Variants in AGAP4 observed in about 807,000 individuals in gnomAD.
The protein encoded by AGAP4 is arf-GAP with GTPase, ANK repeat and PH domain-containing protein 4.
Under a neutral mutation model 60.7 loss-of-function variants are expected in AGAP4, and 13 were observed. The ratio of observed to expected loss-of-function variants is 0.21; its 90% CI spans 0.14 to 0.34. AGAP4 has a LOEUF of 0.34. Among genes scored for constraint, AGAP4 ranks in the 10% least tolerant of loss-of-function variants. The pLI is 1.00. For missense variants in AGAP4, 169 were observed against 884.0 expected (o/e 0.19, Z 10.26); for synonymous variants, 70 against 339.0 (o/e 0.21, Z 8.72).
chr10:45,829,911 A>C (rs1223226235), intron 6 of AGAP4, among the ~76,000 whole-genome samples: 1 of 149,574 alleles, frequency 6.7e-6, no homozygotes, highest in South Asian at 2.2e-4. Context: ...AATAAAACAT[A>C]AACCAATATA....
At chr10:45,834,904 G>C (rs2058793018) in intron 4 of AGAP4, among the ~76,000 whole-genome samples, 1 of 146,184 alleles carries the variant, frequency 6.8e-6, no homozygotes, top group Non-Finnish European at 1.5e-5. Flanking sequence ...CTCCTGAGTA[G>C]CTGGGACTAC....
chr10:45,853,917 G>C (rs2059111677), upstream of AGAP4: 1 of 1,184,016 alleles, frequency 8.4e-7, no homozygotes, highest in East Asian at 5.9e-5. Flanking sequence ...AGCAGTAGTT[G>C]TTATCACGTA....
rs1330291066 is a variant in AGAP4 at position 45,838,787 on chromosome 10, G to C, written c.396+2866C>G. Among the ~76,000 whole-genome samples, 158 of 151,844 alleles carry C rather than the reference G, an allele frequency of 1.0e-3. 1 individual carries two copies. The highest frequency in any genetic ancestry group is 3.7e-3 in the African/African-American group (153 of 41,420). On this transcript the variant is annotated intron_variant, in intron 4 of 7. Coordinates refer to ENST00000616763, the MANE Select transcript of AGAP4 (RefSeq NM_001276343.3). Reference sequence around the variant, plus strand: ...TATGAGGACTTGCGATGTTGACCAGGCTAAAAATGAACAAATCTTAATTAA... The same window carrying C: ...TATGAGGACTTGCGATGTTGACCAGCCTAAAAATGAACAAATCTTAATTAA...
chr10:45,838,699 T>A (rs2058866143), intron 4 of AGAP4, among the ~76,000 whole-genome samples: 1 of 151,428 alleles, frequency 6.6e-6, no homozygotes, highest in South Asian at 2.1e-4. Context: ...GCCTCCTGAG[T>A]AGGTAATACG....
upstream of AGAP4, among the ~76,000 whole-genome samples, chr10:45,849,473 G>GATGATGATT (rs1554900083): frequency 8.3e-4 from 120 of 145,028 alleles, 1 homozygote; most frequent in Middle Eastern, 3.7e-3. Flanking sequence ...TGATGATGAT[G>GATGATGATT]ATTATTATTA....
upstream of AGAP4, among the ~76,000 whole-genome samples, chr10:45,851,731 G>A (rs1351265719): frequency 6.6e-6 from 1 of 151,570 alleles, no homozygotes; most frequent in Admixed American, 6.6e-5. Context: ...GAGGTTAGAA[G>A]AGAAGGAAGA....
intron 4 of AGAP4, among the ~76,000 whole-genome samples, chr10:45,838,067 C>T (rs1351495084): frequency 1.3e-5 from 2 of 149,866 alleles, no homozygotes; most frequent in South Asian, 4.2e-4. Flanking sequence ...ATAAAGAAAC[C>T]GTGATATACA....
chr10:45,831,723 C>T (rs1364506145), intron 5 of AGAP4, among the ~76,000 whole-genome samples: 2 of 114,498 alleles, frequency 1.7e-5, no homozygotes, highest in African/African-American at 6.6e-5. Context: ...ACCTTTCGTC[C>T]CATGCGATTT....
At chr10:45,829,917 A>G (rs1437433216) in intron 6 of AGAP4, among the ~76,000 whole-genome samples, 1 of 149,336 alleles carries the variant, frequency 6.7e-6, no homozygotes, top group Non-Finnish European at 1.5e-5. Flanking sequence ...ACATAAACCA[A>G]TATATTCCAA....
Position 45,842,643 on chromosome 10 carries a change from A to T in AGAP4, c.362-956T>A, listed in dbSNP as rs2058938111. 2.0e-5 allele frequency among the ~76,000 whole-genome samples: 3 copies of T among 147,864 alleles called. No homozygotes were observed. The South Asian group carries it at 6.3e-4, about 31-fold the overall frequency. ...CCCTAAAAAGAGGCCAGAATAATAA[A>T]AGCCCCAAGAGGGACTTGGGCCATG... On this transcript the variant is annotated intron_variant, in intron 3 of 7. Transcript: ENST00000616763.
chr10:45,854,640 A>G (rs1241043114), upstream of AGAP4: 1 of 79,166 alleles, frequency 1.3e-5, no homozygotes, highest in African/African-American at 4.6e-5. Context: ...TCTCAAAAAA[A>G]AAAAAAAAAA....
intron 4 of AGAP4, among the ~76,000 whole-genome samples, chr10:45,834,674 CAAAAAAAAAAA>C (rs1174820110): frequency 2.0e-4 from 3 of 15,228 alleles, no homozygotes; most frequent in African/African-American, 1.9e-3. Context: ...GACTCCGCCT[CAAAAAAAAAAA>C]AAAAAAAAAA....
At chr10:45,837,759 A>G (rs1271379976) in intron 4 of AGAP4, among the ~76,000 whole-genome samples, 18 of 151,464 alleles carry the variant, frequency 1.2e-4, no homozygotes, top group Admixed American at 1.2e-3. Flanking sequence ...CTGAAACCAT[A>G]AAAGTTCTAG....
chr10:45,831,968 G>A (rs2058739104), intron 5 of AGAP4, among the ~76,000 whole-genome samples: 1 of 145,916 alleles, frequency 6.9e-6, no homozygotes, highest in Non-Finnish European at 1.5e-5. Flanking sequence ...GGAGTGCAAT[G>A]GTGTGATCTC....
chr10:45,847,608 A>T (rs1270463072), upstream of AGAP4: 1 of 1,418,748 alleles, frequency 7.0e-7, no homozygotes, highest in Non-Finnish European at 9.2e-7. Flanking sequence ...CAGCCGGCTT[A>T]TTTAATAGGT....
chr10:45,830,774 C>T lies in AGAP4; in HGVS notation c.533+620G>A, dbSNP rs4042177. Among the ~76,000 whole-genome samples, 344 of 127,550 alleles carry T rather than the reference C, an allele frequency of 2.7e-3. 17 individuals carry two copies. The highest frequency in any genetic ancestry group is 4.6e-3 in the Non-Finnish European group (272 of 58,798). 83.7% of individuals were successfully genotyped at this position (127,550 alleles called of 152,430 possible). ...TGCTGGGATTACAGGCGTGAGCCAC[C>T]GTGCCCAACCTCTTATTGCTGCTTT... On this transcript the variant is annotated intron_variant, in intron 6 of 7. Transcript: ENST00000616763.
chr10:45,827,414 G>A (rs2135917345), intron 7 of AGAP4, 24 bp from the exon 8 acceptor site: 1 of 1,582,328 alleles, frequency 6.3e-7, no homozygotes, highest in Admixed American at 1.7e-5. Flanking sequence ...AAGGAGGAAT[G>A]GCTTCAAAAA....
chr10:45,853,924 C>T (rs1323124356), upstream of AGAP4: 21 of 1,179,654 alleles, frequency 1.8e-5, no homozygotes, highest in African/African-American at 4.8e-5. Flanking sequence ...GTTGTTATCA[C>T]GTAAGTTCAT....
chr10:45,846,154 T>A (rs1446928444), intron 2 of AGAP4, among the ~76,000 whole-genome samples: 1 of 151,036 alleles, frequency 6.6e-6, no homozygotes, highest in African/African-American at 2.4e-5. Context: ...AGAATAAATC[T>A]GGAGACACAT....
Sources: allele counts gnomAD v4.1 joint callset (sites outside exome capture counted in the v4.1 genomes callset), GRCh38; gene constraint gnomAD v4.1.1; transcripts MANE v1.5; gene names NCBI Gene and HGNC (gene_info 2026-07-23, HGNC 2026-07-21).